ANKRD36: variants seen among roughly 807,000 people sequenced by gnomAD.
ANKRD36 encodes ankyrin repeat domain-containing protein 36A.
Under a neutral mutation model 278.1 loss-of-function variants are expected in ANKRD36, and 179 were observed. The observed-to-expected ratio is 0.64, with a 90% CI of 0.57 to 0.73. ANKRD36 has a LOEUF of 0.73. Among genes scored for constraint, ANKRD36 ranks in the 30% least tolerant of loss-of-function variants. The pLI is 0.00. For synonymous variants in ANKRD36, 320 were observed against 641.1 expected (o/e 0.50, Z 7.57); for missense variants, 1,159 against 1,956.7 (o/e 0.59, Z 7.69).
chr2:97,160,031 C>T (rs1186044214), intron 17 of ANKRD36, among the ~76,000 whole-genome samples: 2 of 152,262 alleles, frequency 1.3e-5, no homozygotes, highest in African/African-American at 4.8e-5. Flanking sequence ...GATCTGCCCG[C>T]CTCGGCCTCC....
intron 48 of ANKRD36, 87 bp downstream of exon 48, chr2:97,202,480 G>A (rs188638212): frequency 2.2e-5 from 33 of 1,515,446 alleles, no homozygotes; most frequent in Admixed American, 1.0e-4. Flanking sequence ...GGGGCTCGTC[G>A]AAGCTGCACT....
Position 97,113,614 on chromosome 2 carries a change from G to A in ANKRD36, c.-126G>A, listed in dbSNP as rs1329025527. The stretch of plus-strand genomic sequence containing the variant: ...GTTGGGCGTTTCTGCTGAGAGGCGG[G>A]AGGCGCTGAGAGTCTGTGCGGAGGT... On this transcript the variant is annotated 5_prime_UTR_variant, in exon 1 of 76. Coordinates refer to ENST00000420699, the MANE Select transcript of ANKRD36 (RefSeq NM_001354587.1). 4.1e-6 allele frequency: 5 copies of A among 1,224,846 alleles called. No homozygotes were observed. The highest frequency in any genetic ancestry group is 5.7e-6 in the Non-Finnish European group (5 of 874,310). The allele number at this position is 1,224,846 out of a possible 1,614,324, so 75.9% of individuals were successfully genotyped here. A position where few individuals can be genotyped will look rare whatever the true frequency, so the allele number is the denominator to read the frequency against.
chr2:97,199,225 G>T (rs1186549447), intron 44 of ANKRD36, among the ~76,000 whole-genome samples: 1 of 151,868 alleles, frequency 6.6e-6, no homozygotes, highest in Non-Finnish European at 1.5e-5. Context: ...ATTTCCATAA[G>T]AAATATTTGA....
At chr2:97,135,688 A>G (rs528920455) in intron 6 of ANKRD36, among the ~76,000 whole-genome samples, 47 of 151,778 alleles carry the variant, frequency 3.1e-4, no homozygotes, top group African/African-American at 1.1e-3. Flanking sequence ...GATTATGTCA[A>G]TGACTAGTGA....
chr2:97,201,032 G>T (rs2061237906), intron 46 of ANKRD36, among the ~76,000 whole-genome samples: 1 of 151,852 alleles, frequency 6.6e-6, no homozygotes, highest in African/African-American at 2.4e-5. Flanking sequence ...ATAATTTTGT[G>T]GTTACTGCTG....
chr2:97,135,080 T>C (rs2041151694), intron 6 of ANKRD36, among the ~76,000 whole-genome samples: 1 of 152,074 alleles, frequency 6.6e-6, no homozygotes, highest in Non-Finnish European at 1.5e-5. Context: ...GAAAAGTCTT[T>C]GCAGGGATCC....
chr2:97,211,577 A>C lies in ANKRD36; in HGVS notation c.3396+3A>C. The C allele has an allele frequency of 1.9e-6, 3 of 1,606,910 alleles. No individual in the cohort carries two copies. The highest frequency in any genetic ancestry group is 2.6e-6 in the Non-Finnish European group (3 of 1,175,492). ...CTCCGAAACAACCAGCATTGAAGGTAATTAAGCTCTCATTTATATTTTGAA... is the reference window on the plus strand; with the variant it reads ...CTCCGAAACAACCAGCATTGAAGGTCATTAAGCTCTCATTTATATTTTGAA... On this transcript the variant is annotated splice_donor_region_variant and intron_variant, in intron 57 of 75. Transcript: ENST00000420699.
intron 20 of ANKRD36, among the ~76,000 whole-genome samples, chr2:97,165,674 G>A (rs1343808167): frequency 1.3e-5 from 2 of 151,928 alleles, no homozygotes; most frequent in African/African-American, 4.8e-5. Context: ...CCTATAAAGG[G>A]TTTCCAGGTG....
At chr2:97,199,989 T>G (rs867634256) in intron 44 of ANKRD36, among the ~76,000 whole-genome samples, 37 of 151,994 alleles carry the variant, frequency 2.4e-4, no homozygotes, top group African/African-American at 8.2e-4. Context: ...TAGCACCTGT[T>G]TTGACATTGA....
chr2:97,224,375 A>G (rs1424893281), intron 66 of ANKRD36, among the ~76,000 whole-genome samples: 2 of 151,560 alleles, frequency 1.3e-5, no homozygotes, highest in African/African-American at 4.8e-5. Context: ...TAAATATTAT[A>G]CTAAAGATTA....
At chr2:97,134,751 T>C in intron 6 of ANKRD36, among the ~76,000 whole-genome samples, 1 of 152,156 alleles carries the variant, frequency 6.6e-6, no homozygotes, top group East Asian at 1.9e-4. Flanking sequence ...TCCAGTGAGT[T>C]TATGGTTCCT....
chr2:97,121,258 GC>G lies in ANKRD36; in HGVS notation c.487-1628del, dbSNP rs80333958. 5.9e-5 allele frequency among the ~76,000 whole-genome samples: 9 copies of G among 152,126 alleles called. No individual in the cohort carries two copies. In the East Asian group the frequency reaches 1.5e-3, roughly 26 times the overall value. ...CATCTTCCCATTAGAATGCATGTAA[GC>G]TTTTTAAGGTGAATCATGGTATGGT... On this transcript the variant is annotated intron_variant, in intron 3 of 75. Transcript: ENST00000420699.
Position 97,142,919 on chromosome 2 carries a change from T to A in ANKRD36, c.901+84T>A, listed in dbSNP as rs1032541573. 1.5e-5 allele frequency: 21 copies of A among 1,429,914 alleles called. No individual in the cohort carries two copies. In the African/African-American group the frequency reaches 2.7e-4, roughly 19 times the overall value. The allele number at this position is 1,429,914 out of a possible 1,614,324, so 88.6% of individuals were successfully genotyped here. ...CACTGAATAAATCGCAGGGAGCTCATTGAATCTGCACATTCTGATTCAGCA... is the reference window on the plus strand; with the variant it reads ...CACTGAATAAATCGCAGGGAGCTCAATGAATCTGCACATTCTGATTCAGCA... On this transcript the variant is annotated intron_variant, in intron 8 of 75. Transcript: ENST00000420699.
chr2:97,219,643 G>A (rs887086298), intron 66 of ANKRD36, among the ~76,000 whole-genome samples: 21 of 143,274 alleles, frequency 1.5e-4, no homozygotes, highest in Non-Finnish European at 2.8e-4. Context: ...CACCATGCCC[G>A]GCTAATTTTG....
At chr2:97,193,077 G>A in intron 38 of ANKRD36, 24 bp downstream of exon 38, 1 of 1,515,026 alleles carries the variant, frequency 6.6e-7, no homozygotes, top group Non-Finnish European at 8.9e-7. Flanking sequence ...GAGATTTAAT[G>A]TCATGTTCAG....
At chr2:97,197,812 T>A (rs1161551323) in intron 42 of ANKRD36, among the ~76,000 whole-genome samples, 1 of 151,882 alleles carries the variant, frequency 6.6e-6, no homozygotes, top group African/African-American at 2.4e-5. Flanking sequence ...GTGCCAAGAC[T>A]GGATGAAGAA....
At position 97,113,630 on chromosome 2, in the gene ANKRD36, G is replaced by C. The variant is rs2034184744; in HGVS notation, c.-110G>C. ...GAGAGGCGGGAGGCGCTGAGAGTCT[G>C]TGCGGAGGTCCGTGGACAGACTGCT... On this transcript the variant is annotated 5_prime_UTR_variant, in exon 1 of 76. Transcript: ENST00000420699. 3 of 1,419,946 alleles carry C rather than the reference G, an allele frequency of 2.1e-6. No homozygotes were observed. The highest frequency in any genetic ancestry group is 2.0e-5 in the Admixed American group (1 of 49,510). 88.0% of individuals were successfully genotyped at this position (1,419,946 alleles called of 1,614,324 possible).
At chr2:97,206,221 C>T (rs933190839) in intron 52 of ANKRD36, 86 bp downstream of exon 52, 23 of 1,333,852 alleles carry the variant, frequency 1.7e-5, no homozygotes, top group Middle Eastern at 2.7e-4. Context: ...GGGGGCTCAT[C>T]GAAGCTGCAC....
intron 38 of ANKRD36, among the ~76,000 whole-genome samples, 186 bp from the exon 39 acceptor site, chr2:97,194,540 G>A (rs1318972422): frequency 1.3e-5 from 2 of 151,486 alleles, no homozygotes; most frequent in Non-Finnish European, 2.9e-5. Flanking sequence ...TATATTTCAC[G>A]GAGCCTGTGT....
Sources: gnomAD v4.1 joint callset for allele counts (sites outside exome capture counted in the v4.1 genomes callset) on GRCh38, gnomAD v4.1.1 for gene constraint, MANE v1.5 for transcripts, NCBI Gene and HGNC (gene_info 2026-07-23, HGNC 2026-07-21) for gene names.